The following LCORL variants were observed in gnomAD, a reference collection of about 807,000 sequenced individuals.
LCORL encodes ligand dependent nuclear receptor corepressor like.
In LCORL, 41 loss-of-function variants were observed where a neutral mutation model predicts 141.8. The observed-to-expected ratio is 0.29, with a 90% confidence interval of 0.23 to 0.38. The LOEUF (loss-of-function observed/expected upper bound fraction) is 0.38. LCORL is among the 10% of genes least tolerant of loss of function. The pLI is 1.00. For missense variants in LCORL, 1,759 were observed against 2,035.0 expected (o/e 0.86, Z 2.61); for synonymous variants, 618 against 694.1 (o/e 0.89, Z 1.72).
chr4:17,915,327 A>G (rs1308194989), intron 4 of LCORL, among the ~76,000 whole-genome samples: 1 of 152,228 alleles, frequency 6.6e-6, no homozygotes, highest in Non-Finnish European at 1.5e-5. Flanking sequence ...CCTTGATTGT[A>G]GCCTCATGAA....
chr4:18,014,234 A>G (rs1390508596), intron 1 of LCORL, among the ~76,000 whole-genome samples: 4 of 152,204 alleles, frequency 2.6e-5, no homozygotes, highest in Non-Finnish European at 4.4e-5. Flanking sequence ...TCTAAAGAAG[A>G]AACTAGACAA....
chr4:17,843,283 A>G (rs1391946162), exon 8 of LCORL: 1 of 1,600,214 alleles, frequency 6.2e-7, no homozygotes, highest in African/African-American at 1.3e-5. Context: ...AAATTCGTGT[A>G]TTTTCAACAT....
intron 4 of LCORL, among the ~76,000 whole-genome samples, chr4:17,917,983 A>C (rs1733722115): frequency 6.6e-6 from 1 of 152,062 alleles, no homozygotes; most frequent in South Asian, 2.1e-4. Flanking sequence ...AACATCACTG[A>C]AACAAACAAT....
At position 17,979,664 on chromosome 4, in the gene LCORL, A is replaced by G. The variant is rs533254017; in HGVS notation, c.155-6779T>C. Among the ~76,000 whole-genome samples, 283 of 152,288 alleles carry G rather than the reference A, an allele frequency of 1.9e-3. 1 individual carries two copies. The highest frequency in any genetic ancestry group is 6.7e-3 in the African/African-American group (279 of 41,558). ...TCATCTTGCCCTGTTTCTTCATGCA[A>G]TTAATTCAGTACTTACTGGCTTTTG... On this transcript the variant is annotated intron_variant, in intron 1 of 7. Coordinates refer to ENST00000635767, the Ensembl canonical transcript of LCORL.
Position 17,884,840 on chromosome 4 carries a change from A to C in LCORL, c.776+1228T>G. ...AGGGGAGGGTCCACTCCTTTATTATACTCCTTGCTTAGGTAACATCACTGC... is the reference window on the plus strand; with the variant it reads ...AGGGGAGGGTCCACTCCTTTATTATCCTCCTTGCTTAGGTAACATCACTGC... On this transcript the variant is annotated intron_variant, in intron 6 of 7. Coordinates refer to ENST00000635767, the Ensembl canonical transcript of LCORL. This position sits in a 1 kb window ranked among gnomAD's most constrained non-coding sequence, Gnocchi z 4.4. 1 of 639,448 alleles carries C rather than the reference A, an allele frequency of 1.6e-6. No individual in the cohort carries two copies. Among genetic ancestry groups the C allele is most frequent in the Non-Finnish European group, 2.5e-6 (1 of 398,994 alleles). 39.6% of individuals were successfully genotyped at this position (639,448 alleles called of 1,614,324 possible). A position where few individuals can be genotyped will look rare whatever the true frequency, so the allele number is the denominator to read the frequency against.
chr4:17,942,010 A>G (rs1014275115), intron 4 of LCORL, among the ~76,000 whole-genome samples: 2 of 152,170 alleles, frequency 1.3e-5, no homozygotes, highest in Non-Finnish European at 1.5e-5. Context: ...GTGGAGAATT[A>G]TAGTTAGGGG....
At chr4:17,841,476 G>T (rs1165055309) in exon 8 of LCORL, 2 of 151,778 alleles carry the variant, frequency 1.3e-5, no homozygotes, top group African/African-American at 4.8e-5. Context: ...CCATATTGTT[G>T]GATGTTTTCT....
chr4:17,903,907 A>C (rs1174191463), intron 5 of LCORL, among the ~76,000 whole-genome samples: 2 of 152,052 alleles, frequency 1.3e-5, no homozygotes. Flanking sequence ...TTACTATGTC[A>C]AAGGACTAGA....
intron 7 of LCORL, among the ~76,000 whole-genome samples, chr4:17,860,094 T>G (rs915306763): frequency 8.5e-5 from 13 of 152,178 alleles, no homozygotes; most frequent in African/African-American, 3.1e-4. Flanking sequence ...TCAATGCTAT[T>G]CCTATCAGAC....
At chr4:17,992,091 C>T (rs1257182420) in intron 1 of LCORL, among the ~76,000 whole-genome samples, 1 of 152,158 alleles carries the variant, frequency 6.6e-6, no homozygotes, top group Non-Finnish European at 1.5e-5. Flanking sequence ...CATTTTTATG[C>T]TGCTATGAAC....
At chr4:17,975,462 C>G (rs1036883541) in intron 1 of LCORL, among the ~76,000 whole-genome samples, 4 of 151,634 alleles carry the variant, frequency 2.6e-5, no homozygotes, top group African/African-American at 9.7e-5. Flanking sequence ...GTGGCGTGAT[C>G]TCGGCTCATT....
At chr4:18,015,112 T>C (rs1724436928) in intron 1 of LCORL, among the ~76,000 whole-genome samples, 1 of 152,204 alleles carries the variant, frequency 6.6e-6, no homozygotes, top group Non-Finnish European at 1.5e-5. Context: ...CAAAAATCTA[T>C]ATATCTTTGT....
chr4:17,889,336 T>G (rs1728745906), intron 5 of LCORL, among the ~76,000 whole-genome samples: 1 of 152,118 alleles, frequency 6.6e-6, no homozygotes, highest in African/African-American at 2.4e-5. Flanking sequence ...ACATCTAGGC[T>G]ATGTTAAAAG....
At position 18,019,970 on chromosome 4, in the gene LCORL, C is replaced by T. The variant is rs757001031; in HGVS notation, c.154+1628G>A. Reference sequence around the variant, plus strand: ...GAATACCTAGAGGTTTTTTTTTACACTTCATAAACTAAAATCACTTACGAA... The same window carrying T: ...GAATACCTAGAGGTTTTTTTTTACATTTCATAAACTAAAATCACTTACGAA... On this transcript the variant is annotated intron_variant, in intron 1 of 7. Transcript: ENST00000635767. Among the ~76,000 whole-genome samples, 50 of 152,026 alleles carry T rather than the reference C, an allele frequency of 3.3e-4. 1 individual carries two copies. Among genetic ancestry groups the T allele is most frequent in the African/African-American group, 5.8e-4 (24 of 41,512 alleles).
chr4:17,955,070 A>G (rs1712316714), intron 4 of LCORL, among the ~76,000 whole-genome samples: 1 of 152,214 alleles, frequency 6.6e-6, no homozygotes, highest in Non-Finnish European at 1.5e-5. Flanking sequence ...GTGAATGTAT[A>G]TCAAGAAGAG....
intron 1 of LCORL, among the ~76,000 whole-genome samples, chr4:18,013,889 C>T (rs1015486353): frequency 6.6e-6 from 1 of 151,502 alleles, no homozygotes; most frequent in Non-Finnish European, 1.5e-5. Context: ...TGCACTGCAA[C>T]CTCCGCCTCC....
chr4:17,880,005 T>G (rs1404145860), intron 6 of LCORL, among the ~76,000 whole-genome samples: 1 of 151,042 alleles, frequency 6.6e-6, no homozygotes, highest in East Asian at 1.9e-4. Flanking sequence ...CTCACAAAAT[T>G]ACAAAAACCA....
chr4:17,890,892 T>C (rs1243035293), intron 5 of LCORL, among the ~76,000 whole-genome samples: 1 of 152,098 alleles, frequency 6.6e-6, no homozygotes, highest in Non-Finnish European at 1.5e-5. Context: ...TGTATTGTCA[T>C]GCAAATTTCT....
intron 1 of LCORL, among the ~76,000 whole-genome samples, chr4:17,974,785 T>C (rs1716617697): frequency 1.3e-5 from 2 of 152,138 alleles, no homozygotes; most frequent in South Asian, 4.1e-4. Flanking sequence ...TAAAAATCAG[T>C]AAAAAACTAT....
Sources: gnomAD v4.1 joint callset for allele counts (sites outside exome capture counted in the v4.1 genomes callset) on GRCh38, gnomAD v4.1.1 for gene constraint, Gnocchi (gnomAD v3.1) non-coding constraint, MANE v1.5 for transcripts, NCBI Gene and HGNC (gene_info 2026-07-23, HGNC 2026-07-21) for gene names.